Variants in UBL3 observed in about 807,000 individuals in gnomAD.
The protein encoded by UBL3 is ubiquitin-like protein 3.
A neutral mutation model predicts 18.4 loss-of-function variants in UBL3; 6 were observed. The ratio of observed to expected loss-of-function variants is 0.33; its 90% CI spans 0.18 to 0.64. The LOEUF (loss-of-function observed/expected upper bound fraction) is 0.64. Among genes scored for constraint, UBL3 ranks in the 30% least tolerant of loss-of-function variants. The probability of loss-of-function intolerance (pLI) is 0.76; values close to 1 mark genes in which losing one functional copy is unlikely to be tolerated. For missense variants in UBL3, 109 were observed against 142.9 expected, an observed-to-expected ratio of 0.76 and a Z score of 1.21; for synonymous variants, 49 against 46.6, an observed-to-expected ratio of 1.05 and a Z score of -0.21.
chr13:29,788,731 A>G (rs1035702542), intron 1 of UBL3, among the ~76,000 whole-genome samples: 1 of 152,192 alleles, frequency 6.6e-6, no homozygotes, highest in African/African-American at 2.4e-5. Context: ...ATATAAGTAG[A>G]TGCTAAGAAA....
intron 1 of UBL3, among the ~76,000 whole-genome samples, chr13:29,837,831 G>A (rs1483290565): frequency 4.0e-5 from 6 of 151,842 alleles, no homozygotes; most frequent in African/African-American, 9.7e-5. Context: ...TAGGGAGGCT[G>A]AGGCACTAGA....
At chr13:29,779,868 A>T (rs1877101659) in intron 1 of UBL3, among the ~76,000 whole-genome samples, 1 of 152,152 alleles carries the variant, frequency 6.6e-6, no homozygotes, top group South Asian at 2.1e-4. Flanking sequence ...TAGGGTAATT[A>T]AAGTTAAAGT....
intron 1 of UBL3, among the ~76,000 whole-genome samples, chr13:29,791,741 C>T (rs1014264302): frequency 2.6e-5 from 4 of 152,192 alleles, no homozygotes; most frequent in African/African-American, 9.7e-5. Flanking sequence ...AATTCTGACT[C>T]ATGTTTGCTG....
intron 1 of UBL3, among the ~76,000 whole-genome samples, chr13:29,807,299 A>T (rs1877921372): frequency 6.6e-6 from 1 of 152,180 alleles, no homozygotes; most frequent in African/African-American, 2.4e-5. Flanking sequence ...CTGGCTTTTA[A>T]ACTAGCTGAC....
intron 1 of UBL3, among the ~76,000 whole-genome samples, chr13:29,786,276 A>G (rs1025298192): frequency 6.6e-6 from 1 of 152,146 alleles, no homozygotes; most frequent in African/African-American, 2.4e-5. Context: ...TCCCCTCACT[A>G]GGCTCCAACC....
intron 1 of UBL3, among the ~76,000 whole-genome samples, chr13:29,835,124 AAATATATATATATATATATAT>A (rs1566001036): frequency 0.019 from 689 of 36,714 alleles, 46 homozygotes; most frequent in Non-Finnish European, 0.021. Flanking sequence ...ATATATATAT[AAATATATATATATATATATAT>A]ATATATATAT....
intron 1 of UBL3, among the ~76,000 whole-genome samples, chr13:29,780,964 A>C (rs1378913285): frequency 6.6e-6 from 1 of 152,206 alleles, no homozygotes; most frequent in African/African-American, 2.4e-5. Flanking sequence ...ACCTGAGGTC[A>C]GGAGTTCGAG....
intron 1 of UBL3, among the ~76,000 whole-genome samples, chr13:29,799,252 T>C (rs1406611820): frequency 2.0e-5 from 3 of 152,336 alleles, no homozygotes; most frequent in East Asian, 3.9e-4. Context: ...AAAAAAAGTA[T>C]GCAGACATTG....
At chr13:29,820,476 T>A (rs1443341250) in intron 1 of UBL3, among the ~76,000 whole-genome samples, 3 of 152,108 alleles carry the variant, frequency 2.0e-5, no homozygotes, top group Non-Finnish European at 2.9e-5. Context: ...ATGCCTGGCC[T>A]GAAGTCCTCA....
chr13:29,798,891 G>A (rs34837672), intron 1 of UBL3, among the ~76,000 whole-genome samples: 6,921 of 152,140 alleles, frequency 0.045, 223 homozygotes, highest in Middle Eastern at 0.092. Flanking sequence ...TGCTTACCAC[G>A]GTCTCAGAAA....
intron 1 of UBL3, among the ~76,000 whole-genome samples, chr13:29,809,789 C>T (rs1002132178): frequency 6.6e-6 from 1 of 152,086 alleles, no homozygotes; most frequent in African/African-American, 2.4e-5. Context: ...TAACAAAAAC[C>T]AAGGACGCTC....
chr13:29,815,400 C>A (rs547168513), intron 1 of UBL3, among the ~76,000 whole-genome samples: 1 of 152,192 alleles, frequency 6.6e-6, no homozygotes, highest in Non-Finnish European at 1.5e-5. Flanking sequence ...GGGAAATGAC[C>A]ATGAATTACC....
intron 1 of UBL3, among the ~76,000 whole-genome samples, chr13:29,831,528 C>A (rs767161014): frequency 6.7e-6 from 1 of 148,406 alleles, no homozygotes; most frequent in East Asian, 2.0e-4. Context: ...ACGGAGGTTG[C>A]GGTGAGCCAA....
chr13:29,784,962 G>A (rs1340765153), intron 1 of UBL3, among the ~76,000 whole-genome samples: 1 of 152,216 alleles, frequency 6.6e-6, no homozygotes, highest in Non-Finnish European at 1.5e-5. Flanking sequence ...CTGGAGTGCA[G>A]TGGCGGGATC....
intron 1 of UBL3, among the ~76,000 whole-genome samples, chr13:29,821,525 GGCT>G (rs1394098421): frequency 2.6e-5 from 4 of 152,040 alleles, no homozygotes; most frequent in Admixed American, 1.3e-4. Context: ...AGTAAGATCG[GGCT>G]ACTACTGCAT....
intron 1 of UBL3, among the ~76,000 whole-genome samples, chr13:29,815,945 A>C (rs1460362001): frequency 1.3e-5 from 2 of 152,126 alleles, no homozygotes; most frequent in Admixed American, 1.3e-4. Context: ...TCAAATAACC[A>C]GTTTCTGCAT....
intron 1 of UBL3, among the ~76,000 whole-genome samples, chr13:29,827,394 T>C (rs532933820): frequency 1.3e-5 from 2 of 152,354 alleles, no homozygotes; most frequent in Admixed American, 6.5e-5. Context: ...ATATTTAGGA[T>C]AGTTAGCTCC....
At chr13:29,840,436 C>A (rs1375756410) in intron 1 of UBL3, among the ~76,000 whole-genome samples, 1 of 152,176 alleles carries the variant, frequency 6.6e-6, no homozygotes, top group African/African-American at 2.4e-5. Flanking sequence ...TTCACAAATT[C>A]TTCCAGAGTA....
chr13:29,772,227 T>C, intron 2 of UBL3, 29 bp from the exon 3 acceptor site: 1 of 1,569,586 alleles, frequency 6.4e-7, no homozygotes, highest in Non-Finnish European at 8.7e-7. Context: ...ACTGGTTAGG[T>C]ATATTCCAAC....
Sources: allele counts gnomAD v4.1 joint callset (sites outside exome capture counted in the v4.1 genomes callset), GRCh38; gene constraint gnomAD v4.1.1; transcripts MANE v1.5; gene names NCBI Gene and HGNC (gene_info 2026-07-23, HGNC 2026-07-21).